The following DLG2 variants were observed in gnomAD, a reference collection of about 807,000 sequenced individuals.
DLG2 encodes the protein disks large homolog 2.
A neutral mutation model predicts 132.5 loss-of-function variants in DLG2; 45 were observed. That is an observed-to-expected ratio of 0.34 (90% confidence interval 0.27 to 0.44). DLG2 has a LOEUF of 0.44. Among genes scored for constraint, DLG2 ranks in the 20% least tolerant of loss-of-function variants. The pLI is 1.00. For synonymous variants in DLG2, 424 were observed against 419.6 expected, an observed-to-expected ratio of 1.01 and a Z score of -0.13; for missense variants, 1,045 against 1,196.9, an observed-to-expected ratio of 0.87 and a Z score of 1.87.
chr11:85,280,064 A>G (rs1208364724), intron 4 of DLG2, among the ~76,000 whole-genome samples: 1 of 152,116 alleles, frequency 6.6e-6, no homozygotes, highest in Non-Finnish European at 1.5e-5. Flanking sequence ...TCCTATTTAT[A>G]CTATGCATTT....
chr11:83,508,499 T>C (rs1230497346), intron 21 of DLG2, among the ~76,000 whole-genome samples: 1 of 148,542 alleles, frequency 6.7e-6, no homozygotes, highest in East Asian at 2.0e-4. Flanking sequence ...TGCCTTGGCC[T>C]CCCAAAGTGC....
At chr11:84,260,063 T>C (rs1007646497) in intron 7 of DLG2, among the ~76,000 whole-genome samples, 2 of 152,138 alleles carry the variant, frequency 1.3e-5, no homozygotes, top group African/African-American at 4.8e-5. Context: ...AAATACAAAG[T>C]AGTAAAATAT....
chr11:85,425,202 A>G (rs2090620786), intron 3 of DLG2, among the ~76,000 whole-genome samples: 2 of 152,192 alleles, frequency 1.3e-5, no homozygotes, highest in South Asian at 2.1e-4. Context: ...CTCAAAGAAA[A>G]TGTTGTTAAA....
At chr11:84,186,300 A>G (rs1175825628) in intron 8 of DLG2, among the ~76,000 whole-genome samples, 2 of 152,026 alleles carry the variant, frequency 1.3e-5, no homozygotes, top group Non-Finnish European at 2.9e-5. Flanking sequence ...CACTATACAT[A>G]TATTAGTATG....
intron 9 of DLG2, 70 bp downstream of exon 9, chr11:84,163,391 A>T (rs1473591937): frequency 1.9e-5 from 26 of 1,365,258 alleles, no homozygotes; most frequent in Non-Finnish European, 2.3e-5. Context: ...TCACAAGACA[A>T]CTCATTAAGA....
At chr11:85,580,700 G>A (rs1396727887) in intron 3 of DLG2, among the ~76,000 whole-genome samples, 2 of 152,168 alleles carry the variant, frequency 1.3e-5, no homozygotes, top group African/African-American at 2.4e-5. Context: ...AAGTGGCAGA[G>A]GAGCCAGAAC....
chr11:84,943,982 C>T (rs1223278427), intron 6 of DLG2, among the ~76,000 whole-genome samples: 1 of 151,966 alleles, frequency 6.6e-6, no homozygotes, highest in African/African-American at 2.4e-5. Context: ...TTCATTTCTC[C>T]TTCATGTTTG....
intron 3 of DLG2, among the ~76,000 whole-genome samples, chr11:85,552,516 T>C (rs1490892805): frequency 2.6e-5 from 4 of 151,274 alleles, no homozygotes; most frequent in Non-Finnish European, 4.4e-5. Flanking sequence ...AATCTGATAT[T>C]TTTAAATAAT....
chr11:85,566,500 G>A (rs2077531967), intron 3 of DLG2, among the ~76,000 whole-genome samples: 1 of 152,100 alleles, frequency 6.6e-6, no homozygotes. Flanking sequence ...CAAAGTTCTA[G>A]AGGTTGGAAG....
At chr11:84,593,354 T>C (rs891857936) in intron 6 of DLG2, among the ~76,000 whole-genome samples, 3 of 152,168 alleles carry the variant, frequency 2.0e-5, no homozygotes, top group Non-Finnish European at 4.4e-5. Context: ...CGTATGTATA[T>C]TGCAGCACTG....
At chr11:84,172,408 T>C (rs2095845399) in intron 8 of DLG2, among the ~76,000 whole-genome samples, 1 of 152,178 alleles carries the variant, frequency 6.6e-6, no homozygotes, top group Non-Finnish European at 1.5e-5. Flanking sequence ...AACTCTAATT[T>C]CAAGTTAAAA....
intron 7 of DLG2, among the ~76,000 whole-genome samples, chr11:84,253,809 G>A (rs1399366549): frequency 2.6e-5 from 4 of 151,930 alleles, no homozygotes; most frequent in African/African-American, 9.7e-5. Flanking sequence ...TTTGAATATT[G>A]TTTTTTCTGA....
At chr11:84,364,933 T>C (rs1199290899) in intron 7 of DLG2, among the ~76,000 whole-genome samples, 1 of 152,194 alleles carries the variant, frequency 6.6e-6, no homozygotes, top group Admixed American at 6.6e-5. Flanking sequence ...ATTGAGGATT[T>C]TTGCATCAAT....
chr11:84,655,887 A>C (rs2154547310), intron 6 of DLG2, among the ~76,000 whole-genome samples: 1 of 152,302 alleles, frequency 6.6e-6, no homozygotes, highest in South Asian at 2.1e-4. Flanking sequence ...CCTGTGCTCA[A>C]GTATTCTGAA....
intron 6 of DLG2, among the ~76,000 whole-genome samples, chr11:84,589,194 C>T (rs908500055): frequency 1.3e-5 from 2 of 152,088 alleles, no homozygotes; most frequent in Admixed American, 6.6e-5. Flanking sequence ...GGGGAGGCTG[C>T]AGGAGCTTGA....
At chr11:85,466,606 G>C (rs1381873418) in intron 3 of DLG2, among the ~76,000 whole-genome samples, 1 of 152,170 alleles carries the variant, frequency 6.6e-6, no homozygotes, top group Non-Finnish European at 1.5e-5. Flanking sequence ...GTTTGTCAAA[G>C]ATCAGATCGT....
chr11:84,092,021 T>C (rs573489369), intron 10 of DLG2, among the ~76,000 whole-genome samples: 70 of 152,194 alleles, frequency 4.6e-4, no homozygotes, highest in Non-Finnish European at 2.4e-4. Flanking sequence ...CTCTCTGTTT[T>C]TAAAAGTCTC....
At position 85,627,273 on chromosome 11, in the gene DLG2, T is replaced by C. The variant is rs2082085680; in HGVS notation, c.-315A>G. ...TCCCTTTCATTTTTTTCTTCTGTGC[T>C]CTCCAAGCCCCCAGGCTTGATCCTT... On this transcript the variant is annotated 5_prime_UTR_variant, in exon 1 of 28. Transcript: ENST00000376104. 2 of 152,096 alleles carry C rather than the reference T, an allele frequency of 1.3e-5. No homozygotes were observed. The highest frequency in any genetic ancestry group is 4.8e-5 in the African/African-American group (2 of 41,380). The allele number at this position is 152,096 out of a possible 1,614,324, so 9.4% of individuals were successfully genotyped here.
chr11:84,301,980 A>T (rs1599427466), intron 7 of DLG2, among the ~76,000 whole-genome samples: 1 of 152,354 alleles, frequency 6.6e-6, no homozygotes, highest in East Asian at 1.9e-4. Context: ...TGGATAAAGA[A>T]AATGTGACAC....
Sources: gnomAD v4.1 joint callset for allele counts (sites outside exome capture counted in the v4.1 genomes callset) on GRCh38, gnomAD v4.1.1 for gene constraint, MANE v1.5 for transcripts, NCBI Gene and HGNC (gene_info 2026-07-23, HGNC 2026-07-21) for gene names.